Variants in KCTD15 observed in about 807,000 individuals in gnomAD.
The protein encoded by KCTD15 is potassium channel tetramerization domain containing 15.
A neutral mutation model predicts 27.2 loss-of-function variants in KCTD15; 11 were observed. That is an observed-to-expected ratio of 0.41 (90% CI 0.25 to 0.67). KCTD15 has a LOEUF of 0.67. Ranked by LOEUF, KCTD15 falls within the 30% of genes least tolerant of loss-of-function variation. The probability of loss-of-function intolerance (pLI) is 0.35; values close to 1 mark genes in which losing one functional copy is unlikely to be tolerated. For synonymous variants in KCTD15, 163 were observed against 176.0 expected (o/e 0.93, Z 0.58); for missense variants, 350 against 409.3 (o/e 0.86, Z 1.25).
In KCTD15 at chr19:33,811,385, G is replaced by A. The variant is rs778643820; in HGVS notation, c.526G>A (p.Asp176Asn). Residue 176 changes from aspartate to asparagine, a missense_variant, in exon 6 of 7, where the codon GAC (aspartate) becomes AAC (asparagine). Asp to Asn is a conservative substitution (Grantham distance 23, BLOSUM62 1). Coordinates refer to ENST00000683859, the MANE Select transcript of KCTD15 (RefSeq NM_001129994.2). ...CTGCCTGGTGGTGCGCGTCACGCCC[G>A]ACTTGGGCGAGCGGATCGCACTCAG... Reference protein sequence around the residue: ...CDCLVVRVTPDLGERIALSGE... With the variant: ...CDCLVVRVTPNLGERIALSGE... The A allele has an allele frequency of 2.5e-6, 4 of 1,600,484 alleles. No homozygotes were observed. Among genetic ancestry groups the A allele is most frequent in the East Asian group, 2.3e-5 (1 of 43,848 alleles).
intron 5 of KCTD15, among the ~76,000 whole-genome samples, chr19:33,807,772 A>G (rs564057691): frequency 5.7e-4 from 87 of 152,150 alleles, no homozygotes; most frequent in Non-Finnish European, 1.1e-3. Flanking sequence ...AATAAAGTAT[A>G]AAAAGAAAAA....
intron 5 of KCTD15, among the ~76,000 whole-genome samples, chr19:33,810,252 T>C (rs1975850196): frequency 6.6e-6 from 1 of 152,242 alleles, no homozygotes; most frequent in African/African-American, 2.4e-5. Context: ...AGAAGGGGGC[T>C]GCGTGGCAGG....
At chr19:33,802,935 T>C (rs1975604715) in intron 4 of KCTD15, among the ~76,000 whole-genome samples, 1 of 152,216 alleles carries the variant, frequency 6.6e-6, no homozygotes, top group East Asian at 1.9e-4. Context: ...TCTTGGCTGC[T>C]GCCTGAGAGC....
upstream of KCTD15, among the ~76,000 whole-genome samples, chr19:33,795,564 G>A (rs550386114): frequency 3.0e-3 from 451 of 152,070 alleles, 4 homozygotes; most frequent in African/African-American, 0.01. Flanking sequence ...TCCGGCCCGG[G>A]CGTCCCTGGA....
At chr19:33,799,020 A>G (rs937648847) in intron 2 of KCTD15, among the ~76,000 whole-genome samples, 7 of 152,124 alleles carry the variant, frequency 4.6e-5, no homozygotes, top group African/African-American at 1.4e-4. Context: ...AGGATAATCC[A>G]TTCCTGAGGT....
rs1568384775 is a variant in KCTD15 at position 33,813,126 on chromosome 19, G to A, written c.*178G>A. ...GGCAACAGAACGTGGGATGCTGGAG[G>A]CATGCCTGCAGAAGGACTGTTGATG... On this transcript the variant is annotated 3_prime_UTR_variant, in exon 7 of 7. Transcript: ENST00000683859. The A allele has an allele frequency of 4.6e-6, 3 of 657,958 alleles. No homozygotes were observed. Among genetic ancestry groups the A allele is most frequent in the East Asian group, 5.4e-5 (2 of 36,770 alleles). 40.8% of individuals were successfully genotyped at this position (657,958 alleles called of 1,614,324 possible).
At position 33,813,042 on chromosome 19, in the gene KCTD15, G is replaced by C. The variant is rs1476917494; in HGVS notation, c.*94G>C. ...TATACTTGGCCGTGGGCATGAGACC[G>C]AGGGTGAGGCTGGAGGGTCCAAAGC... On this transcript the variant is annotated 3_prime_UTR_variant, in exon 7 of 7. Transcript: ENST00000683859. 1 of 1,321,730 alleles carries C rather than the reference G, an allele frequency of 7.6e-7. No homozygotes were observed. The highest frequency in any genetic ancestry group is 1.3e-5 in the South Asian group (1 of 77,986). 81.9% of individuals were successfully genotyped at this position (1,321,730 alleles called of 1,614,324 possible).
At chr19:33,812,264 A>G in intron 6 of KCTD15, 1 of 1,025,164 alleles carries the variant, frequency 9.8e-7, no homozygotes, top group Non-Finnish European at 1.2e-6. Flanking sequence ...AGAGACTCAA[A>G]TATTGAGAGG....
chr19:33,797,277 T>C (rs1440213877), intron 1 of KCTD15: 3 of 232,818 alleles, frequency 1.3e-5, no homozygotes, highest in Non-Finnish European at 2.6e-5. Context: ...TGTGTGTGTG[T>C]GTGTGTGCGC....
intron 5 of KCTD15, among the ~76,000 whole-genome samples, chr19:33,807,611 T>G (rs539469258): frequency 6.6e-6 from 1 of 152,154 alleles, no homozygotes; most frequent in South Asian, 2.1e-4. Context: ...TCCCAGCTAC[T>G]CGGGAGGCTG....
Position 33,811,597 on chromosome 19 carries a change from C to T in KCTD15, c.693+45C>T, listed in dbSNP as rs777802001. On this transcript the variant is annotated intron_variant, in intron 6 of 6. Coordinates refer to ENST00000683859, the MANE Select transcript of KCTD15 (RefSeq NM_001129994.2). ...CCCTCCCCGCCGCACCCCCGGCGTC[C>T]GCGGAGCCCTCCAGGGGCAGAGTGA... 7.0e-6 allele frequency: 11 copies of T among 1,569,038 alleles called. No individual in the cohort carries two copies. In the African/African-American group the frequency reaches 1.2e-4, roughly 17 times the overall value.
rs1373666056 is a variant in KCTD15, at chr19:33,797,281, TGTGCGCGCGC to T, written c.-127+296_-127+305del. ...GTGTGTGTGTGTGTGTGTGTGTGTGTGTGCGCGCGCGCGCGCGCGCGCTTGTGGAGGTCCC... is the reference window on the plus strand; with the variant it reads ...GTGTGTGTGTGTGTGTGTGTGTGTGTGCGCGCGCGCGCTTGTGGAGGTCCC... On this transcript the variant is annotated intron_variant, in intron 1 of 6. Transcript: ENST00000683859. 8.0e-4 allele frequency: 136 copies of T among 170,754 alleles called. 11 individuals carry two copies. The highest frequency in any genetic ancestry group is 1.1e-3 in the South Asian group (27 of 23,778). 10.6% of individuals were successfully genotyped at this position (170,754 alleles called of 1,614,324 possible). A position where few individuals can be genotyped will look rare whatever the true frequency, so the allele number is the denominator to read the frequency against.
chr19:33,811,956 G>A, intron 6 of KCTD15: 1 of 1,515,078 alleles, frequency 6.6e-7, no homozygotes, highest in Non-Finnish European at 8.8e-7. Context: ...TGACCTGGGA[G>A]TCGCAGGCAC....
At position 33,813,058 on chromosome 19, in the gene KCTD15, G is replaced by A. The variant is rs963692639; in HGVS notation, c.*110G>A. 4.5e-5 allele frequency: 54 copies of A among 1,191,694 alleles called. No individual in the cohort carries two copies. The highest frequency in any genetic ancestry group is 6.1e-5 in the Non-Finnish European group (51 of 840,558). 73.8% of individuals were successfully genotyped at this position (1,191,694 alleles called of 1,614,324 possible). On this transcript the variant is annotated 3_prime_UTR_variant, in exon 7 of 7. Transcript: ENST00000683859. ...CATGAGACCGAGGGTGAGGCTGGAG[G>A]GTCCAAAGCTGGCCCAGCGAGCACC...
At chr19:33,799,365 C>T (rs918380032) in intron 2 of KCTD15, among the ~76,000 whole-genome samples, 5 of 152,214 alleles carry the variant, frequency 3.3e-5, no homozygotes, top group Non-Finnish European at 7.3e-5. Flanking sequence ...CAAGTGGTTT[C>T]TCTCTTAAAG....
chr19:33,812,375 A>G (rs561080659), intron 6 of KCTD15: 1 of 1,025,234 alleles, frequency 9.8e-7, no homozygotes, highest in African/African-American at 1.7e-5. Flanking sequence ...GTGGATGCCT[A>G]GAGGCTGAAG....
upstream of KCTD15, among the ~76,000 whole-genome samples, chr19:33,796,257 C>T (rs1043635928): frequency 6.7e-6 from 1 of 150,150 alleles, no homozygotes; most frequent in Non-Finnish European, 1.5e-5. Context: ...CCGGGCGCCG[C>T]GTGGCCGGCC....
intron 1 of KCTD15, chr19:33,797,259 T>C (rs1467173723): frequency 8.1e-6 from 2 of 245,638 alleles, no homozygotes; most frequent in Non-Finnish European, 1.6e-5. Context: ...TGTGTGTGTG[T>C]GTGTGTGTGT....
In KCTD15 at chr19:33,812,964, C is replaced by T. The variant is rs1416314450; in HGVS notation, c.*16C>T. On this transcript the variant is annotated 3_prime_UTR_variant, in exon 7 of 7. Transcript: ENST00000683859. ...CCTGGACTAGGCCCTGCTTCAGTGC[C>T]CACCTGGGCCCCCCCAGGGACCTGG... 3.9e-6 allele frequency: 6 copies of T among 1,530,890 alleles called. No individual in the cohort carries two copies. The highest frequency in any genetic ancestry group is 2.6e-6 in the Non-Finnish European group (3 of 1,139,902). 94.8% of individuals were successfully genotyped at this position (1,530,890 alleles called of 1,614,324 possible). A position where few individuals can be genotyped will look rare whatever the true frequency, so the allele number is the denominator to read the frequency against.
Sources: allele counts gnomAD v4.1 joint callset (sites outside exome capture counted in the v4.1 genomes callset), GRCh38; gene constraint gnomAD v4.1.1; transcripts MANE v1.5; gene names NCBI Gene and HGNC (gene_info 2026-07-23, HGNC 2026-07-21).